The following ZNF385D variants were observed in gnomAD, a reference collection of about 807,000 sequenced individuals.
The protein encoded by ZNF385D is zinc finger protein 659.
In ZNF385D, 15 loss-of-function variants were observed where a neutral mutation model predicts 35.8. The observed-to-expected ratio is 0.42, with a 90% CI of 0.28 to 0.64. The LOEUF (loss-of-function observed/expected upper bound fraction) is 0.64, where lower values mean the gene tolerates loss of function less well. ZNF385D is among the 30% of genes least tolerant of loss of function. The pLI is 0.23. For synonymous variants in ZNF385D, 212 were observed against 186.8 expected, an observed-to-expected ratio of 1.13 and a Z score of -1.10; for missense variants, 474 against 494.6, an observed-to-expected ratio of 0.96 and a Z score of 0.39.
intron 2 of ZNF385D, among the ~76,000 whole-genome samples, chr3:22,236,084 A>T (rs1399342447): frequency 6.6e-6 from 1 of 152,158 alleles, no homozygotes; most frequent in African/African-American, 2.4e-5. Flanking sequence ...CACATCTGGA[A>T]TAATATACAA....
intron 2 of ZNF385D, among the ~76,000 whole-genome samples, chr3:21,565,218 C>G (rs147768541): frequency 1.3e-5 from 2 of 152,086 alleles, no homozygotes; most frequent in African/African-American, 2.4e-5. Context: ...TTAAGTCATT[C>G]AGCAATCACT....
chr3:21,962,685 T>C (rs560384143), intron 3 of ZNF385D, among the ~76,000 whole-genome samples: 23 of 152,332 alleles, frequency 1.5e-4, no homozygotes, highest in Non-Finnish European at 2.9e-4. Context: ...ACTGGTGAGG[T>C]GTCCAATTCT....
intron 3 of ZNF385D, among the ~76,000 whole-genome samples, chr3:22,147,827 T>G (rs1409893179): frequency 6.6e-6 from 1 of 152,062 alleles, no homozygotes; most frequent in African/African-American, 2.4e-5. Context: ...AGTGATAAAG[T>G]TTTTGCTGCA....
intron 3 of ZNF385D, among the ~76,000 whole-genome samples, chr3:22,100,746 G>A (rs1355041471): frequency 1.3e-5 from 2 of 151,684 alleles, no homozygotes; most frequent in African/African-American, 4.8e-5. Context: ...TGACGAGTTA[G>A]TGGGTGTAGC....
intron 3 of ZNF385D, among the ~76,000 whole-genome samples, chr3:21,522,968 C>T (rs1362588862): frequency 6.6e-6 from 1 of 152,050 alleles, no homozygotes; most frequent in Non-Finnish European, 1.5e-5. Context: ...GGATTTTGGC[C>T]AGAGGAATTT....
At chr3:22,281,936 T>G (rs979226620) in intron 2 of ZNF385D, among the ~76,000 whole-genome samples, 1 of 152,082 alleles carries the variant, frequency 6.6e-6, no homozygotes, top group Non-Finnish European at 1.5e-5. Flanking sequence ...TTGTTATTGG[T>G]CTGTTCAGAG....
At chr3:21,852,999 G>T (rs1368416168) in intron 3 of ZNF385D, among the ~76,000 whole-genome samples, 1 of 151,742 alleles carries the variant, frequency 6.6e-6, no homozygotes, top group Non-Finnish European at 1.5e-5. Context: ...ACATCCCTCT[G>T]GACCTATTTT....
chr3:21,953,266 T>A (rs545049491), intron 3 of ZNF385D, among the ~76,000 whole-genome samples: 1 of 151,846 alleles, frequency 6.6e-6, no homozygotes. Context: ...ATAAAACTTT[T>A]TTTTTTTTCC....
intron 2 of ZNF385D, among the ~76,000 whole-genome samples, chr3:22,230,356 C>T (rs746619059): frequency 7.2e-5 from 11 of 152,104 alleles, no homozygotes; most frequent in Admixed American, 1.3e-4. Context: ...TTCTGGCTCA[C>T]GTTACTTCCA....
chr3:21,603,353 A>T (rs2064375326), intron 2 of ZNF385D, among the ~76,000 whole-genome samples: 1 of 150,946 alleles, frequency 6.6e-6, no homozygotes, highest in Admixed American at 6.6e-5. Context: ...TTGGAAGTTA[A>T]AAGTGTGTCC....
chr3:21,973,303 T>A (rs570096270), intron 3 of ZNF385D, among the ~76,000 whole-genome samples: 9 of 152,102 alleles, frequency 5.9e-5, no homozygotes, highest in Admixed American at 3.3e-4. Flanking sequence ...ATCAGTAGAA[T>A]GAAGGACAAC....
intron 2 of ZNF385D, among the ~76,000 whole-genome samples, chr3:22,262,280 A>C (rs1222490932): frequency 6.6e-6 from 1 of 151,930 alleles, no homozygotes; most frequent in Non-Finnish European, 1.5e-5. Context: ...TTGGGGTCTA[A>C]AGTCATGAGA....
intron 3 of ZNF385D, among the ~76,000 whole-genome samples, chr3:22,020,171 C>T (rs1576165585): frequency 6.6e-6 from 1 of 151,810 alleles, no homozygotes; most frequent in Non-Finnish European, 1.5e-5. Context: ...ACTTGTCATG[C>T]AATACATGAC....
At chr3:21,775,007 C>T (rs1053862096) in intron 3 of ZNF385D, among the ~76,000 whole-genome samples, 2 of 151,796 alleles carry the variant, frequency 1.3e-5, no homozygotes, top group Non-Finnish European at 2.9e-5. Flanking sequence ...AGTTAAAATA[C>T]TCCCACCAAC....
intron 2 of ZNF385D, among the ~76,000 whole-genome samples, chr3:22,271,540 T>C (rs911387462): frequency 2.0e-5 from 3 of 151,976 alleles, no homozygotes; most frequent in Non-Finnish European, 1.5e-5. Flanking sequence ...CCTCAGCTTA[T>C]GTTTTCAAAT....
At chr3:22,103,280 A>G (rs1324034540) in intron 3 of ZNF385D, among the ~76,000 whole-genome samples, 1 of 151,458 alleles carries the variant, frequency 6.6e-6, no homozygotes, top group South Asian at 2.1e-4. Flanking sequence ...GGCAAGGGCC[A>G]TATCTAATCA....
At chr3:22,279,499 TG>T (rs1701608864) in intron 2 of ZNF385D, among the ~76,000 whole-genome samples, 1 of 140,834 alleles carries the variant, frequency 7.1e-6, no homozygotes, top group Admixed American at 7.0e-5. Flanking sequence ...AATATACATA[TG>T]TACATATATA....
chr3:21,917,197 C>T (rs914139381), intron 3 of ZNF385D, among the ~76,000 whole-genome samples: 6 of 152,142 alleles, frequency 3.9e-5, no homozygotes, highest in South Asian at 2.1e-4. Context: ...TTTGGGAGGC[C>T]GAGGTGGACG....
intron 2 of ZNF385D, among the ~76,000 whole-genome samples, chr3:22,231,425 G>C (rs1376723007): frequency 6.6e-6 from 1 of 152,136 alleles, no homozygotes; most frequent in Non-Finnish European, 1.5e-5. Context: ...CCAAGGAGCT[G>C]CCTCGCTCAA....
Sources: allele counts gnomAD v4.1 joint callset (sites outside exome capture counted in the v4.1 genomes callset), GRCh38; gene constraint gnomAD v4.1.1; transcripts MANE v1.5; gene names NCBI Gene and HGNC (gene_info 2026-07-23, HGNC 2026-07-21).